The following PTPRZ1 variants were observed in gnomAD, a reference collection of about 807,000 sequenced individuals.
PTPRZ1 encodes the protein receptor-type tyrosine-protein phosphatase zeta.
A neutral mutation model predicts 214.1 loss-of-function variants in PTPRZ1; 82 were observed. The observed-to-expected ratio is 0.38, with a 90% CI of 0.32 to 0.46. PTPRZ1 has a LOEUF of 0.46. Ranked by LOEUF, PTPRZ1 falls within the 20% of genes least tolerant of loss-of-function variation. PTPRZ1 has a pLI of 1.00. For synonymous variants in PTPRZ1, 945 were observed against 987.9 expected (o/e 0.96, Z 0.81); for missense variants, 2,603 against 2,748.7 (o/e 0.95, Z 1.19).
intron 1 of PTPRZ1, among the ~76,000 whole-genome samples, chr7:121,919,511 G>A (rs962834062): frequency 6.6e-6 from 1 of 151,908 alleles, no homozygotes; most frequent in Non-Finnish European, 1.5e-5. Context: ...AGCTATAAAT[G>A]TTTCTTCATA....
In PTPRZ1 at chr7:122,011,956, A is replaced by G; in HGVS notation, c.2910A>G (p.Pro970=). The change falls in exon 12 of 30, where the codon CCA becomes CCG. Residue 970 remains proline, a synonymous_variant. Transcript: ENST00000393386. The part of the protein sequence containing the change: ...GSLFSGPSHI[P]IPKSSLITPT... ...TATTTAGCGGCCCTAGCCATATACC[A>G]ATACCTAAGTCTTCGTTAATAACCC... 1 of 1,614,172 alleles carries G rather than the reference A, an allele frequency of 6.2e-7. No individual in the cohort carries two copies. Among genetic ancestry groups the G allele is most frequent in the South Asian group, 1.1e-5 (1 of 91,078 alleles).
chr7:121,928,789 A>G (rs549874945), intron 2 of PTPRZ1, among the ~76,000 whole-genome samples: 2 of 152,348 alleles, frequency 1.3e-5, no homozygotes, highest in East Asian at 3.9e-4. Flanking sequence ...AACATTATGA[A>G]CATCTGAAGT....
intron 1 of PTPRZ1, among the ~76,000 whole-genome samples, chr7:121,880,377 C>A (rs1164617181): frequency 6.6e-6 from 1 of 152,136 alleles, no homozygotes; most frequent in African/African-American, 2.4e-5. Flanking sequence ...ATATCCATAA[C>A]TATGATGAGA....
chr7:122,025,329 T>C (rs28641653), intron 13 of PTPRZ1, among the ~76,000 whole-genome samples: 1 of 150,832 alleles, frequency 6.6e-6, no homozygotes, highest in African/African-American at 2.4e-5. Context: ...TCTTTTTTTT[T>C]CTTTTTTTTT....
At chr7:121,897,922 C>G (rs141955485) in intron 1 of PTPRZ1, among the ~76,000 whole-genome samples, 1 of 152,242 alleles carries the variant, frequency 6.6e-6, no homozygotes, top group South Asian at 2.1e-4. Flanking sequence ...AGCACTGATT[C>G]TTTTCCCTAA....
chr7:121,874,431 C>T (rs978870566), intron 1 of PTPRZ1, among the ~76,000 whole-genome samples: 1 of 152,122 alleles, frequency 6.6e-6, no homozygotes, highest in African/African-American at 2.4e-5. Flanking sequence ...TCATGATTTT[C>T]CATCGCGATA....
intron 27 of PTPRZ1, among the ~76,000 whole-genome samples, chr7:122,057,558 T>C (rs1183643935): frequency 6.6e-6 from 1 of 151,882 alleles, no homozygotes; most frequent in African/African-American, 2.4e-5. Context: ...AGGTCTCGTA[T>C]TGTGGATACT....
intron 10 of PTPRZ1, among the ~76,000 whole-genome samples, chr7:122,003,055 T>C (rs1222384778): frequency 6.6e-6 from 1 of 152,202 alleles, no homozygotes; most frequent in Non-Finnish European, 1.5e-5. Flanking sequence ...CATTTTTAAA[T>C]TCAAATGTAT....
chr7:121,873,297 C>CTCTCTG lies in PTPRZ1; in HGVS notation c.-185_-180dup, dbSNP rs1214636500. 2.8e-5 allele frequency: 15 copies of CTCTCTG among 536,564 alleles called. 1 individual carries two copies. Among genetic ancestry groups the CTCTCTG allele is most frequent in the Admixed American group, 2.5e-4 (8 of 32,526 alleles). 33.2% of individuals were successfully genotyped at this position (536,564 alleles called of 1,614,324 possible). A position where few individuals can be genotyped will look rare whatever the true frequency, so the allele number is the denominator to read the frequency against. ...CCTCTCTCGCTGTCTCTGACTGTCTCTCTCTGTCTCTGTCTCTGTCTCTCT... is the reference window on the plus strand; with the variant it reads ...CCTCTCTCGCTGTCTCTGACTGTCTCTCTCTGTCTCTGTCTCTGTCTCTGTCTCTCT... On this transcript the variant is annotated 5_prime_UTR_variant, in exon 1 of 30. Transcript: ENST00000393386.
intron 27 of PTPRZ1, among the ~76,000 whole-genome samples, chr7:122,056,436 A>T (rs1160136278): frequency 1.3e-5 from 2 of 151,802 alleles, no homozygotes; most frequent in Admixed American, 1.3e-4. Flanking sequence ...GATAAACAGT[A>T]TTTCTATAAC....
intron 3 of PTPRZ1, among the ~76,000 whole-genome samples, chr7:121,971,345 T>G: frequency 6.6e-6 from 1 of 152,212 alleles, no homozygotes; most frequent in East Asian, 1.9e-4. Context: ...GATGATTATG[T>G]TTTTATAAAT....
intron 1 of PTPRZ1, among the ~76,000 whole-genome samples, chr7:121,893,679 T>G (rs1433956871): frequency 6.6e-6 from 1 of 152,210 alleles, no homozygotes; most frequent in Non-Finnish European, 1.5e-5. Flanking sequence ...GGGGAGCAAT[T>G]GGCAATCACT....
intron 23 of PTPRZ1, 97 bp downstream of exon 23, chr7:122,044,665 T>G: frequency 8.2e-7 from 1 of 1,221,038 alleles, no homozygotes; most frequent in South Asian, 1.5e-5. Flanking sequence ...GTGGGCAGTA[T>G]GGGTACAATG....
chr7:121,944,435 T>G (rs1021564074), intron 2 of PTPRZ1, among the ~76,000 whole-genome samples: 3 of 152,152 alleles, frequency 2.0e-5, no homozygotes, highest in Non-Finnish European at 4.4e-5. Flanking sequence ...CCTTCTAATA[T>G]TTTTGGCTGT....
At chr7:121,994,637 A>G (rs1222931371) in intron 8 of PTPRZ1, among the ~76,000 whole-genome samples, 1 of 152,088 alleles carries the variant, frequency 6.6e-6, no homozygotes, top group Admixed American at 6.5e-5. Flanking sequence ...GTCACTTCCA[A>G]CTTTTCTAAA....
intron 1 of PTPRZ1, among the ~76,000 whole-genome samples, chr7:121,923,168 A>G (rs1056016225): frequency 6.6e-6 from 1 of 152,088 alleles, no homozygotes; most frequent in Admixed American, 6.6e-5. Context: ...TCTACCTGGA[A>G]CATTCAGTCC....
Position 121,873,326 on chromosome 7 carries a change from T to TCA in PTPRZ1, c.-173_-172insAC, listed in dbSNP as rs1158807562. 254 of 539,288 alleles carry TCA rather than the reference T, an allele frequency of 4.7e-4. No individual in the cohort carries two copies. Among genetic ancestry groups the TCA allele is most frequent in the African/African-American group, 1.0e-3 (35 of 34,714 alleles). The allele number at this position is 539,288 out of a possible 1,614,324, so 33.4% of individuals were successfully genotyped here. On this transcript the variant is annotated 5_prime_UTR_variant, in exon 1 of 30. Transcript: ENST00000393386. ...CTGTCTCTGTCTCTGTCTCTCTCTC[T>TCA]CTCACACACACACACACACACACAA...
chr7:121,937,840 T>C (rs1796128299), intron 2 of PTPRZ1, among the ~76,000 whole-genome samples: 1 of 152,208 alleles, frequency 6.6e-6, no homozygotes, highest in Non-Finnish European at 1.5e-5. Flanking sequence ...GTAGATGCCT[T>C]CTGATCGGAT....
intron 7 of PTPRZ1, 66 bp from the exon 8 acceptor site, chr7:121,983,901 T>C (rs1797693448): frequency 1.9e-6 from 3 of 1,585,234 alleles, no homozygotes; most frequent in Non-Finnish European, 1.7e-6. Context: ...CTATAAAATA[T>C]CCATTTTAAA....
Sources: gnomAD v4.1 joint callset for allele counts (sites outside exome capture counted in the v4.1 genomes callset) on GRCh38, gnomAD v4.1.1 for gene constraint, MANE v1.5 for transcripts, NCBI Gene and HGNC (gene_info 2026-07-23, HGNC 2026-07-21) for gene names.